ADGRL3: variants seen among roughly 807,000 people sequenced by gnomAD.
ADGRL3 encodes the protein adhesion G protein-coupled receptor L3.
Under a neutral mutation model 153.5 loss-of-function variants are expected in ADGRL3, and 62 were observed. The observed-to-expected ratio is 0.40, with a 90% CI of 0.33 to 0.50. The LOEUF is 0.50. Ranked by LOEUF, ADGRL3 falls within the 20% of genes least tolerant of loss-of-function variation. The probability of loss-of-function intolerance (pLI) is 0.47; values close to 1 mark genes in which losing one functional copy is unlikely to be tolerated. For synonymous variants in ADGRL3, 710 were observed against 672.5 expected, an observed-to-expected ratio of 1.06 and a Z score of -0.86; for missense variants, 1,641 against 1,859.4, an observed-to-expected ratio of 0.88 and a Z score of 2.16.
At chr4:61,918,775 A>G (rs1326950472) in intron 13 of ADGRL3, among the ~76,000 whole-genome samples, 2 of 152,216 alleles carry the variant, frequency 1.3e-5, no homozygotes, top group Non-Finnish European at 2.9e-5. Context: ...CAAAGCCCAC[A>G]TGTCTACATT....
At position 61,278,625 on chromosome 4, in the gene ADGRL3, T is replaced by G. The variant is rs144297160; in HGVS notation, c.-240+76860T>G. Among the ~76,000 whole-genome samples the G allele has an allele frequency of 1.1e-4, 17 of 152,270 alleles. No individual in the cohort carries two copies. The East Asian group carries it at 3.3e-3, about 29-fold the overall frequency. ...TTCAAGTGATTCTCCTACCTCAGCC[T>G]CCTGAGTAGCTGGGACTACAGGCAT... is the stretch of plus-strand genomic sequence containing the variant. On this transcript the variant is annotated intron_variant, in intron 1 of 26. Coordinates refer to ENST00000683033, the MANE Select transcript of ADGRL3 (RefSeq NM_001387552.1).
intron 8 of ADGRL3, among the ~76,000 whole-genome samples, chr4:61,757,112 G>T (rs914470702): frequency 1.3e-5 from 2 of 152,064 alleles, no homozygotes; most frequent in African/African-American, 4.8e-5. Flanking sequence ...CCGGCTTTTG[G>T]TTCAGGATGA....
At chr4:61,840,268 CG>C (rs569625250) in intron 9 of ADGRL3, among the ~76,000 whole-genome samples, 5 of 151,744 alleles carry the variant, frequency 3.3e-5, no homozygotes, top group Admixed American at 1.3e-4. Context: ...TTTGTGGAGA[CG>C]GTGTTTCACC....
chr4:61,936,985 A>C (rs1013096876), intron 15 of ADGRL3, among the ~76,000 whole-genome samples: 1 of 152,210 alleles, frequency 6.6e-6, no homozygotes, highest in African/African-American at 2.4e-5. Context: ...TCATCTGAAT[A>C]AAATGGTCTG....
chr4:61,850,605 A>T (rs949432487), intron 9 of ADGRL3, among the ~76,000 whole-genome samples: 1 of 152,182 alleles, frequency 6.6e-6, no homozygotes, highest in African/African-American at 2.4e-5. Context: ...ATGACATATA[A>T]AACGACAGCA....
intron 8 of ADGRL3, among the ~76,000 whole-genome samples, chr4:61,757,042 T>C (rs2096842196): frequency 6.6e-6 from 1 of 152,234 alleles, no homozygotes; most frequent in South Asian, 2.1e-4. Flanking sequence ...TTGAGGATTT[T>C]TGCGTCGATG....
At chr4:61,694,725 G>A (rs1422486213) in intron 6 of ADGRL3, among the ~76,000 whole-genome samples, 1 of 152,106 alleles carries the variant, frequency 6.6e-6, no homozygotes, top group Non-Finnish European at 1.5e-5. Flanking sequence ...TTTCACAAAA[G>A]ATTTATTTGT....
At chr4:61,897,499 C>T (rs1450900) in intron 11 of ADGRL3, among the ~76,000 whole-genome samples, 75,122 of 151,886 alleles carry the variant, frequency 0.49, 18,769 homozygotes, top group East Asian at 0.55. Context: ...ATTGGCTTCA[C>T]AGCCTTACAC....
intron 1 of ADGRL3, among the ~76,000 whole-genome samples, chr4:61,258,686 G>A (rs1001468694): frequency 1.3e-5 from 2 of 152,168 alleles, no homozygotes; most frequent in Non-Finnish European, 2.9e-5. Context: ...CTTCTAAGGT[G>A]TTGTCTAACC....
intron 21 of ADGRL3, among the ~76,000 whole-genome samples, chr4:62,025,045 G>A (rs1295897499): frequency 6.6e-6 from 1 of 151,800 alleles, no homozygotes; most frequent in South Asian, 2.1e-4. Flanking sequence ...ATCAACATAA[G>A]GTACATTTGG....
intron 1 of ADGRL3, among the ~76,000 whole-genome samples, chr4:61,249,231 C>G (rs542174629): frequency 2.0e-5 from 3 of 151,970 alleles, no homozygotes; most frequent in Non-Finnish European, 4.4e-5. Context: ...ACATTGTGTT[C>G]GGCAAAATCT....
At chr4:61,984,980 TAGG>T (rs1441944906) in intron 19 of ADGRL3, among the ~76,000 whole-genome samples, 1 of 152,064 alleles carries the variant, frequency 6.6e-6, no homozygotes, top group Non-Finnish European at 1.5e-5. Context: ...ATCAAATTAA[TAGG>T]AGGAGATTCA....
chr4:61,711,014 C>A (rs192175917), intron 6 of ADGRL3, among the ~76,000 whole-genome samples: 9 of 152,202 alleles, frequency 5.9e-5, no homozygotes, highest in African/African-American at 2.2e-4. Flanking sequence ...AATTTGATGG[C>A]ACATTTATAA....
At chr4:61,832,340 G>A (rs2097881614) in intron 9 of ADGRL3, among the ~76,000 whole-genome samples, 1 of 152,206 alleles carries the variant, frequency 6.6e-6, no homozygotes, top group South Asian at 2.1e-4. Context: ...TCTTGGAGCT[G>A]TCCTCAGGAC....
intron 17 of ADGRL3, 21 bp downstream of exon 17, chr4:61,948,297 T>G: frequency 6.3e-7 from 1 of 1,592,616 alleles, no homozygotes. Context: ...TACCATACAA[T>G]GAAAATGTTT....
intron 5 of ADGRL3, among the ~76,000 whole-genome samples, chr4:61,661,061 A>G (rs1231695673): frequency 6.6e-6 from 1 of 152,060 alleles, no homozygotes; most frequent in Admixed American, 6.5e-5. Context: ...TTACCTCAAA[A>G]TAATCACTGA....
intron 21 of ADGRL3, among the ~76,000 whole-genome samples, chr4:62,025,821 T>G (rs983804242): frequency 9.2e-5 from 14 of 152,292 alleles, no homozygotes; most frequent in Middle Eastern, 3.4e-3. Flanking sequence ...AAAATTGTTT[T>G]AGTCATACAA....
intron 8 of ADGRL3, among the ~76,000 whole-genome samples, chr4:61,739,907 T>G (rs2096563308): frequency 6.6e-6 from 1 of 152,224 alleles, no homozygotes; most frequent in African/African-American, 2.4e-5. Flanking sequence ...AAGAATTCTA[T>G]ATTAAGAACA....
Position 62,070,982 on chromosome 4 carries a change from G to T in ADGRL3, c.*74G>T, listed in dbSNP as rs1745492414. 3 of 1,192,158 alleles carry T rather than the reference G, an allele frequency of 2.5e-6. No homozygotes were observed. Among genetic ancestry groups the T allele is most frequent in the Admixed American group, 2.7e-5 (1 of 37,450 alleles). The allele number at this position is 1,192,158 out of a possible 1,614,324, so 73.8% of individuals were successfully genotyped here. A position where few individuals can be genotyped will look rare whatever the true frequency, so the allele number is the denominator to read the frequency against. On this transcript the variant is annotated 3_prime_UTR_variant, in exon 27 of 27. Coordinates refer to ENST00000683033, the MANE Select transcript of ADGRL3 (RefSeq NM_001387552.1). The stretch of plus-strand genomic sequence containing the variant: ...CTGTTCTGAGTTGATATAAGCAGTG[G>T]TAATAATGTGTGTACTCCTAAATCT...
Sources: gnomAD v4.1 joint callset for allele counts (sites outside exome capture counted in the v4.1 genomes callset) on GRCh38, gnomAD v4.1.1 for gene constraint, MANE v1.5 for transcripts, NCBI Gene and HGNC (gene_info 2026-07-23, HGNC 2026-07-21) for gene names.